Variants in CAMKMT observed in about 807,000 individuals in gnomAD.
CAMKMT encodes the protein calmodulin-lysine N-methyltransferase.
CAMKMT carries 53 observed loss-of-function variants against 48.0 expected under a neutral mutation model. The ratio of observed to expected loss-of-function variants is 1.10; its 90% confidence interval spans 0.89 to 1.39. CAMKMT has a LOEUF of 1.39. Among genes scored for constraint, CAMKMT ranks in the 40% most tolerant of loss-of-function variants. The pLI, the probability that CAMKMT is intolerant of heterozygous loss-of-function variation, is 0.00. For missense variants in CAMKMT, 428 were observed against 402.7 expected, an observed-to-expected ratio of 1.06 and a Z score of -0.54; for synonymous variants, 165 against 152.3, an observed-to-expected ratio of 1.08 and a Z score of -0.61.
chr2:44,578,293 A>G (rs938844099), intron 3 of CAMKMT, among the ~76,000 whole-genome samples: 6 of 152,262 alleles, frequency 3.9e-5, no homozygotes, highest in Non-Finnish European at 7.3e-5. Flanking sequence ...CCATTATATA[A>G]TAATGAGGCT....
chr2:44,740,124 ATTTTTTT>A lies in CAMKMT; in HGVS notation c.624-3483_624-3477del, dbSNP rs753300790. On this transcript the variant is annotated intron_variant, in intron 7 of 10. Coordinates refer to ENST00000378494, the MANE Select transcript of CAMKMT (RefSeq NM_024766.5). The stretch of plus-strand genomic sequence containing the variant: ...ATGGAAGTTCTTAACTGATTGCTGC[ATTTTTTT>A]TTTTTTTTTTTTTTGAGAAAGGGTC... Among the ~76,000 whole-genome samples the A allele has an allele frequency of 9.2e-5, 11 of 120,196 alleles. No individual in the cohort carries two copies. In the South Asian group the frequency reaches 2.8e-3, roughly 31 times the overall value. The allele number at this position is 120,196 out of a possible 152,430, so 78.9% of individuals were successfully genotyped here.
chr2:44,637,302 A>G (rs10204480), intron 3 of CAMKMT, among the ~76,000 whole-genome samples: 96,754 of 152,142 alleles, frequency 0.64, 31,268 homozygotes, highest in Middle Eastern at 0.71. Flanking sequence ...AATAATAGCT[A>G]AGAAAACTGC....
chr2:44,406,028 T>C (rs1367552301), intron 3 of CAMKMT, among the ~76,000 whole-genome samples: 1 of 152,290 alleles, frequency 6.6e-6, no homozygotes, highest in South Asian at 2.1e-4. Context: ...CATATTTAAC[T>C]TGGAACCAAG....
chr2:44,419,795 T>A (rs1683805781), intron 3 of CAMKMT, among the ~76,000 whole-genome samples: 1 of 152,202 alleles, frequency 6.6e-6, no homozygotes, highest in Non-Finnish European at 1.5e-5. Context: ...AATTCAAAGC[T>A]ATTGTGCACA....
intron 3 of CAMKMT, among the ~76,000 whole-genome samples, chr2:44,590,062 A>G (rs1210227919): frequency 6.6e-6 from 1 of 151,258 alleles, no homozygotes; most frequent in Non-Finnish European, 1.5e-5. Flanking sequence ...AATTTTCCAC[A>G]TGGACGGTCA....
intron 3 of CAMKMT, among the ~76,000 whole-genome samples, chr2:44,420,936 G>T (rs1351858158): frequency 6.6e-6 from 1 of 151,682 alleles, no homozygotes; most frequent in Non-Finnish European, 1.5e-5. Flanking sequence ...GTTCATCACA[G>T]TAGTCAAGAG....
chr2:44,668,147 C>T (rs557599779), intron 3 of CAMKMT, among the ~76,000 whole-genome samples: 1 of 152,162 alleles, frequency 6.6e-6, no homozygotes. Context: ...AATATCTCCT[C>T]TCCTATTATT....
intron 3 of CAMKMT, among the ~76,000 whole-genome samples, chr2:44,640,360 A>G (rs1185287291): frequency 1.3e-5 from 2 of 152,168 alleles, no homozygotes; most frequent in African/African-American, 4.8e-5. Context: ...TGAGTATTTG[A>G]GAGACTGAGC....
rs1216147602 is a variant in CAMKMT, at chr2:44,754,050, G to A, written c.699-5G>A. On this transcript the variant is annotated splice_polypyrimidine_tract_variant and splice_region_variant and intron_variant, in intron 8 of 10. Coordinates refer to ENST00000378494, the MANE Select transcript of CAMKMT (RefSeq NM_024766.5). ...ATCTGGATTCTGCTCTCTTCTCAAT[G>A]TCAGCCTGTTTCTGGACCAGTACAG... 2 of 1,612,800 alleles carry A rather than the reference G, an allele frequency of 1.2e-6. No individual in the cohort carries two copies. The highest frequency in any genetic ancestry group is 1.7e-6 in the Non-Finnish European group (2 of 1,179,088).
chr2:44,458,623 T>C (rs1203087132), intron 3 of CAMKMT, among the ~76,000 whole-genome samples: 1 of 152,238 alleles, frequency 6.6e-6, no homozygotes, highest in Non-Finnish European at 1.5e-5. Context: ...CGTTTTTATA[T>C]AATTATTCAT....
At chr2:44,659,337 G>C in intron 3 of CAMKMT, among the ~76,000 whole-genome samples, 1 of 151,984 alleles carries the variant, frequency 6.6e-6, no homozygotes, top group East Asian at 1.9e-4. Flanking sequence ...TGAAGTGGAA[G>C]GACAGCTTGA....
chr2:44,489,115 C>A (rs1194945790), intron 3 of CAMKMT, among the ~76,000 whole-genome samples: 1 of 152,130 alleles, frequency 6.6e-6, no homozygotes, highest in African/African-American at 2.4e-5. Context: ...AATCCTCCTC[C>A]TGCCTCAGCC....
chr2:44,372,658 C>T, intron 1 of CAMKMT, 58 bp from the exon 2 acceptor site: 1 of 1,497,892 alleles, frequency 6.7e-7, no homozygotes. Flanking sequence ...ACATTTTGAA[C>T]ACTAAACTTA....
At chr2:44,574,145 A>G (rs1669075530) in intron 3 of CAMKMT, among the ~76,000 whole-genome samples, 1 of 152,186 alleles carries the variant, frequency 6.6e-6, no homozygotes. Flanking sequence ...AATTATCATG[A>G]AGGAAATGTT....
At chr2:44,619,854 T>A (rs1475646496) in intron 3 of CAMKMT, among the ~76,000 whole-genome samples, 1 of 152,224 alleles carries the variant, frequency 6.6e-6, no homozygotes, top group Non-Finnish European at 1.5e-5. Context: ...AATAAATATT[T>A]CAACATTAGA....
At chr2:44,654,586 C>T (rs1299012494) in intron 3 of CAMKMT, among the ~76,000 whole-genome samples, 2 of 152,146 alleles carry the variant, frequency 1.3e-5, no homozygotes, top group African/African-American at 4.8e-5. Context: ...GATCTTGGCT[C>T]ACTGCAACCT....
chr2:44,765,619 A>C lies in CAMKMT; in HGVS notation c.763-811A>C, dbSNP rs182005318. On this transcript the variant is annotated intron_variant, in intron 9 of 10. Coordinates refer to ENST00000378494, the MANE Select transcript of CAMKMT (RefSeq NM_024766.5). ...TCCGCATGCATCCAATAGTTAGCAA[A>C]TGGTCATTGTGAAGTTTCATGTCAG... 1.3e-3 allele frequency among the ~76,000 whole-genome samples: 200 copies of C among 152,126 alleles called. 2 individuals are homozygous for C. In the East Asian group the frequency reaches 0.023, roughly 17 times the overall value.
chr2:44,687,738 C>G (rs1408735601), intron 3 of CAMKMT, among the ~76,000 whole-genome samples: 1 of 152,262 alleles, frequency 6.6e-6, no homozygotes, highest in Non-Finnish European at 1.5e-5. Flanking sequence ...TATATCCTTA[C>G]AGATGCTGTG....
intron 3 of CAMKMT, among the ~76,000 whole-genome samples, chr2:44,567,532 T>A (rs1668679558): frequency 6.6e-6 from 1 of 152,206 alleles, no homozygotes; most frequent in Non-Finnish European, 1.5e-5. Flanking sequence ...CATACACTTT[T>A]GAGTAACAGT....
Sources: allele counts gnomAD v4.1 joint callset (sites outside exome capture counted in the v4.1 genomes callset), GRCh38; gene constraint gnomAD v4.1.1; transcripts MANE v1.5; gene names NCBI Gene and HGNC (gene_info 2026-07-23, HGNC 2026-07-21).